The following KDM4A variants were observed in gnomAD, a reference collection of about 807,000 sequenced individuals.
KDM4A encodes lysine-specific demethylase 4A.
Under a neutral mutation model 127.1 loss-of-function variants are expected in KDM4A, and 23 were observed. That is an observed-to-expected ratio of 0.18 (90% CI 0.13 to 0.26). The LOEUF (loss-of-function observed/expected upper bound fraction) is 0.26, where lower values mean the gene tolerates loss of function less well. Among genes scored for constraint, KDM4A ranks in the 10% least tolerant of loss-of-function variants. The pLI, the probability that KDM4A is intolerant of heterozygous loss-of-function variation, is 1.00. For synonymous variants in KDM4A, 443 were observed against 466.5 expected, an observed-to-expected ratio of 0.95 and a Z score of 0.65; for missense variants, 890 against 1,329.1, an observed-to-expected ratio of 0.67 and a Z score of 5.14.
At chr1:43,679,741 A>G (rs1660817783) in intron 11 of KDM4A, among the ~76,000 whole-genome samples, 1 of 152,204 alleles carries the variant, frequency 6.6e-6, no homozygotes, top group Non-Finnish European at 1.5e-5. Flanking sequence ...AGTTCAAGCT[A>G]CTTTGAAAAG....
At chr1:43,697,718 C>A (rs1306206745) in intron 18 of KDM4A, 125 bp from the exon 19 acceptor site, 1 of 925,388 alleles carries the variant, frequency 1.1e-6, no homozygotes, top group Non-Finnish European at 1.6e-6. Flanking sequence ...TCTCTTCTCT[C>A]CTTTTTACTT....
chr1:43,682,825 A>G (rs1054466729), intron 11 of KDM4A, among the ~76,000 whole-genome samples: 2 of 152,148 alleles, frequency 1.3e-5, no homozygotes, highest in Non-Finnish European at 2.9e-5. Context: ...TGCAGCATTT[A>G]TGGCATTGGT....
chr1:43,662,428 TGAAA>T (rs1660405093), intron 4 of KDM4A, among the ~76,000 whole-genome samples: 1 of 151,946 alleles, frequency 6.6e-6, no homozygotes, highest in Non-Finnish European at 1.5e-5. Context: ...GCCAAGATGG[TGAAA>T]CCCCGGCTCT....
chr1:43,679,925 C>G (rs930473679), intron 11 of KDM4A, among the ~76,000 whole-genome samples: 1 of 152,136 alleles, frequency 6.6e-6, no homozygotes, highest in Non-Finnish European at 1.5e-5. Flanking sequence ...CCTGCTATCC[C>G]GCCCTGTCTG....
chr1:43,674,245 G>A (rs1427703055), intron 11 of KDM4A, among the ~76,000 whole-genome samples: 1 of 151,878 alleles, frequency 6.6e-6, no homozygotes, highest in Non-Finnish European at 1.5e-5. Context: ...GTGCCCCACC[G>A]CCCCCCAGCT....
At chr1:43,690,405 AC>A (rs1661081219) in intron 13 of KDM4A, among the ~76,000 whole-genome samples, 2 of 151,318 alleles carry the variant, frequency 1.3e-5, no homozygotes, top group African/African-American at 2.4e-5. Context: ...ACACCATCAC[AC>A]CCAGCTAATT....
chr1:43,652,979 C>T (rs1480518660), intron 1 of KDM4A, among the ~76,000 whole-genome samples, 158 bp from the exon 2 acceptor site: 7 of 152,288 alleles, frequency 4.6e-5, no homozygotes, highest in South Asian at 2.1e-4. Context: ...CCACCGTGCC[C>T]GGCCCCTAAA....
At chr1:43,690,340 T>C (rs77586216) in intron 13 of KDM4A, among the ~76,000 whole-genome samples, 2 of 152,090 alleles carry the variant, frequency 1.3e-5, no homozygotes, top group Non-Finnish European at 2.9e-5. Context: ...TTTTTTTTTT[T>C]AGACGGAGTC....
intron 11 of KDM4A, among the ~76,000 whole-genome samples, chr1:43,672,129 T>C (rs560595836): frequency 1.3e-5 from 2 of 152,300 alleles, no homozygotes; most frequent in Admixed American, 6.5e-5. Context: ...ATTCCAAGAA[T>C]TGCATCAATG....
At chr1:43,682,988 TA>T (rs1660891886) in intron 11 of KDM4A, among the ~76,000 whole-genome samples, 1 of 152,256 alleles carries the variant, frequency 6.6e-6, no homozygotes, top group Non-Finnish European at 1.5e-5. Context: ...GTCAATCCTG[TA>T]CATTTAAATC....
intron 19 of KDM4A, among the ~76,000 whole-genome samples, chr1:43,700,826 A>G (rs79825631): frequency 0.014 from 2,045 of 150,476 alleles, 53 homozygotes; most frequent in African/African-American, 0.05. Flanking sequence ...TCTTTCACCC[A>G]TGCATCCTTT....
Position 43,704,289 on chromosome 1 carries a change from A to G in KDM4A, c.3114A>G (p.Glu1038=). The G allele has an allele frequency of 6.2e-7, 1 of 1,614,168 alleles. No individual in the cohort carries two copies. Among genetic ancestry groups the G allele is most frequent in the Non-Finnish European group, 8.5e-7 (1 of 1,180,036 alleles). Residue 1038 remains glutamate, a synonymous_variant, in exon 22 of 22, where the codon GAA becomes GAG. Transcript: ENST00000372396. ...TCACAGAGAAAGAGGTTAAGCAAGA[A>G]AAGAAACGGCAACGAGTTATCAACT... is the stretch of plus-strand genomic sequence containing the variant. ...EIFTEKEVKQ[E]KKRQRVINSR...
chr1:43,692,566 A>C (rs1661141933), intron 16 of KDM4A, among the ~76,000 whole-genome samples: 1 of 152,208 alleles, frequency 6.6e-6, no homozygotes, highest in Non-Finnish European at 1.5e-5. Context: ...AGAAGCTAAG[A>C]ATGGACTCAT....
intron 11 of KDM4A, among the ~76,000 whole-genome samples, chr1:43,674,873 G>C (rs923011354): frequency 6.6e-6 from 1 of 152,084 alleles, no homozygotes; most frequent in Non-Finnish European, 1.5e-5. Flanking sequence ...GAAGCACTCA[G>C]CTTCCATGTG....
chr1:43,670,964 C>G (rs1660605006), intron 10 of KDM4A, among the ~76,000 whole-genome samples: 2 of 152,178 alleles, frequency 1.3e-5, no homozygotes, highest in Admixed American at 6.5e-5. Context: ...CTTGGCCTCC[C>G]AAAGTGCTGG....
chr1:43,681,952 C>A lies in KDM4A; in HGVS notation c.1735-1732C>A, dbSNP rs1660869161. ...TATGGGTTTTCCAGTTTGTTTTAGC[C>A]AAAGAACCCTTTTACTTACTTACTT... On this transcript the variant is annotated intron_variant, in intron 11 of 21. Coordinates refer to ENST00000372396, the MANE Select transcript of KDM4A (RefSeq NM_014663.3). Among the ~76,000 whole-genome samples the A allele has an allele frequency of 2.0e-5, 3 of 152,060 alleles. No homozygotes were observed. In the South Asian group the frequency reaches 6.2e-4, roughly 31 times the overall value.
At position 43,669,156 on chromosome 1, in the gene KDM4A, A is replaced by C; in HGVS notation, c.1220A>C (p.Gln407Pro). The C allele has an allele frequency of 6.2e-7, 1 of 1,614,230 alleles. No homozygotes were observed. The highest frequency in any genetic ancestry group is 2.2e-5 in the East Asian group (1 of 44,882). ...KRHRVCLEIP[Q>P]EVSQSELFPK... The stretch of plus-strand genomic sequence containing the variant: ...CACCGAGTTTGTCTTGAAATACCAC[A>C]GGAGGTGAGTCAGAGTGAGCTCTTC... Residue 407 changes from glutamine to proline, a missense_variant, in exon 10 of 22, where the codon CAG (glutamine) becomes CCG (proline). Physicochemically the swap from Gln to Pro is moderately conservative, Grantham distance 76. Around this residue, in one of 7 missense-constraint regions of KDM4A, gnomAD observed 389 missense variants for 485.9 expected, o/e 0.80. Transcript: ENST00000372396.
intron 11 of KDM4A, among the ~76,000 whole-genome samples, chr1:43,679,422 G>A (rs1380665539): frequency 6.6e-6 from 1 of 152,190 alleles, no homozygotes; most frequent in African/African-American, 2.4e-5. Context: ...TTTGGGGGCA[G>A]AAGCTGAGCA....
chr1:43,698,125 A>G lies in KDM4A; in HGVS notation c.2841+112A>G, dbSNP rs190325445. ...TTCTTCTAGCCAGGTCCCTGGTCCCATCACCATGTCCTCAAACAGAAAGAA... is the reference window on the plus strand; with the variant it reads ...TTCTTCTAGCCAGGTCCCTGGTCCCGTCACCATGTCCTCAAACAGAAAGAA... On this transcript the variant is annotated intron_variant, in intron 19 of 21. Transcript: ENST00000372396. 1.0e-4 allele frequency: 98 copies of G among 968,516 alleles called. No individual in the cohort carries two copies. In the African/African-American group the frequency reaches 1.3e-3, roughly 13 times the overall value. The allele number at this position is 968,516 out of a possible 1,614,324, so 60.0% of individuals were successfully genotyped here. A position where few individuals can be genotyped will look rare whatever the true frequency, so the allele number is the denominator to read the frequency against.
Sources: allele counts gnomAD v4.1 joint callset (sites outside exome capture counted in the v4.1 genomes callset), GRCh38; gene constraint gnomAD v4.1.1; regional missense constraint gnomAD v4.1.1; transcripts MANE v1.5; gene names NCBI Gene and HGNC (gene_info 2026-07-23, HGNC 2026-07-21).